DCLK2: variants seen among roughly 807,000 people sequenced by gnomAD.
DCLK2 encodes the protein doublecortin like kinase 2, also known as serine/threonine-protein kinase DCLK2.
A neutral mutation model predicts 78.4 loss-of-function variants in DCLK2; 31 were observed. The observed-to-expected ratio is 0.40, with a 90% confidence interval of 0.30 to 0.53. The LOEUF (loss-of-function observed/expected upper bound fraction) is 0.53. Ranked by LOEUF, DCLK2 falls within the 20% of genes least tolerant of loss-of-function variation. The probability of loss-of-function intolerance (pLI) is 0.61; values close to 1 mark genes in which losing one functional copy is unlikely to be tolerated. For missense variants in DCLK2, 872 were observed against 973.7 expected (o/e 0.90, Z 1.39); for synonymous variants, 407 against 374.9 (o/e 1.09, Z -0.99).
chr4:150,139,810 G>A (rs556487303), intron 2 of DCLK2, among the ~76,000 whole-genome samples: 4 of 152,188 alleles, frequency 2.6e-5, no homozygotes, highest in Non-Finnish European at 5.9e-5. Flanking sequence ...TTTGAGTCAA[G>A]TGTACATTCC....
chr4:150,156,395 T>C (rs1288428323), intron 2 of DCLK2, among the ~76,000 whole-genome samples: 1 of 151,914 alleles, frequency 6.6e-6, no homozygotes, highest in East Asian at 1.9e-4. Flanking sequence ...GCCTATAATC[T>C]TAGCACTTTT....
chr4:150,231,239 A>C (rs1054424107), intron 8 of DCLK2, among the ~76,000 whole-genome samples: 5 of 152,220 alleles, frequency 3.3e-5, no homozygotes, highest in African/African-American at 1.2e-4. Context: ...AGCTACTAAC[A>C]AACAGTGACT....
chr4:150,181,627 T>G (rs1395699841), intron 2 of DCLK2, among the ~76,000 whole-genome samples: 1 of 152,028 alleles, frequency 6.6e-6, no homozygotes, highest in African/African-American at 2.4e-5. Flanking sequence ...GTTTTTTTAT[T>G]TTTTAGGAAG....
chr4:150,126,196 C>T (rs576437236), intron 2 of DCLK2, among the ~76,000 whole-genome samples: 23 of 103,466 alleles, frequency 2.2e-4, no homozygotes, highest in Non-Finnish European at 4.8e-4. Context: ...GGCTAAGATA[C>T]GACAGAAAAT....
chr4:150,185,781 A>G (rs1298664907), intron 2 of DCLK2, among the ~76,000 whole-genome samples: 2 of 152,188 alleles, frequency 1.3e-5, no homozygotes, highest in East Asian at 1.9e-4. Flanking sequence ...GTATCTTTTA[A>G]TAGATACCAA....
rs149449246 is a variant in DCLK2 at position 150,240,444 on chromosome 4, C to T, written c.1746C>T (p.Tyr582=). 7,713 of 1,613,760 alleles carry T rather than the reference C, an allele frequency of 4.8e-3. 31 individuals are homozygous for T. Among genetic ancestry groups the T allele is most frequent in the Non-Finnish European group, 6.2e-3 (7,305 of 1,179,810 alleles). Reference sequence around the variant, plus strand: ...TTTGGGCAGCTGGTGTGATCACATACATACTTCTCTGTGGATTCCCACCAT... The same window carrying T: ...TTTGGGCAGCTGGTGTGATCACATATATACTTCTCTGTGGATTCCCACCAT... ...VDIWAAGVIT[Y]ILLCGFPPFR... is the part of the protein sequence containing the mutation. Residue 582 remains tyrosine, a synonymous_variant, in exon 12 of 16, where the codon TAC becomes TAT. Transcript: ENST00000296550.
At chr4:150,101,348 T>A (rs2150152464) in intron 1 of DCLK2, among the ~76,000 whole-genome samples, 1 of 152,320 alleles carries the variant, frequency 6.6e-6, no homozygotes, top group East Asian at 1.9e-4. Flanking sequence ...CAATTCTCCA[T>A]TAATCAGGAT....
chr4:150,185,088 A>G (rs1304919787), intron 2 of DCLK2, among the ~76,000 whole-genome samples: 1 of 152,194 alleles, frequency 6.6e-6, no homozygotes, highest in Non-Finnish European at 1.5e-5. Flanking sequence ...AGACTGGGTG[A>G]TTCATAAAGG....
In DCLK2 at chr4:150,138,191, C is replaced by T. The variant is rs191272398; in HGVS notation, c.756+35379C>T. ...TAAATAGGAATAGTTTTGCTAAGAACATAGAAAGTAAGCTCTTGGGCTTTG... is the reference window on the plus strand; with the variant it reads ...TAAATAGGAATAGTTTTGCTAAGAATATAGAAAGTAAGCTCTTGGGCTTTG... On this transcript the variant is annotated intron_variant, in intron 2 of 15. Coordinates refer to ENST00000296550, the MANE Select transcript of DCLK2 (RefSeq NM_001040260.4). Among the ~76,000 whole-genome samples, 16 of 152,312 alleles carry T rather than the reference C, an allele frequency of 1.1e-4. No individual in the cohort carries two copies. In the East Asian group the frequency reaches 3.1e-3, roughly 29 times the overall value.
intron 2 of DCLK2, among the ~76,000 whole-genome samples, chr4:150,144,436 C>CAT (rs1734315606): frequency 1.3e-5 from 2 of 152,058 alleles, no homozygotes; most frequent in Non-Finnish European, 2.9e-5. Context: ...TCCATTGATC[C>CAT]GTGTGCATAT....
At chr4:150,143,928 A>T (rs923420398) in intron 2 of DCLK2, among the ~76,000 whole-genome samples, 27 of 151,396 alleles carry the variant, frequency 1.8e-4, no homozygotes, top group African/African-American at 5.8e-4. Context: ...TTCCTTATAG[A>T]TTCTGGATAT....
chr4:150,251,865 C>A (rs1352998194), intron 15 of DCLK2, among the ~76,000 whole-genome samples: 1 of 151,326 alleles, frequency 6.6e-6, no homozygotes, highest in African/African-American at 2.4e-5. Flanking sequence ...CCCCCGGCTG[C>A]GTTTATGTGG....
intron 12 of DCLK2, among the ~76,000 whole-genome samples, chr4:150,242,734 C>T (rs72951564): frequency 0.019 from 2,822 of 152,292 alleles, 76 homozygotes; most frequent in African/African-American, 0.06. Context: ...CGAGCACTTC[C>T]TCAGCCTCTG....
chr4:150,112,682 G>T (rs540283695), intron 2 of DCLK2, among the ~76,000 whole-genome samples: 3 of 151,808 alleles, frequency 2.0e-5, no homozygotes, highest in Non-Finnish European at 4.4e-5. Context: ...TTTCTGCATC[G>T]ATTGAGATGC....
intron 2 of DCLK2, among the ~76,000 whole-genome samples, chr4:150,176,105 G>T (rs563315263): frequency 2.3e-4 from 35 of 152,316 alleles, no homozygotes; most frequent in African/African-American, 8.4e-4. Flanking sequence ...TTGCTTCTGT[G>T]CTGTCATGCC....
At chr4:150,161,205 C>T (rs981906292) in intron 2 of DCLK2, among the ~76,000 whole-genome samples, 2 of 152,156 alleles carry the variant, frequency 1.3e-5, no homozygotes, top group African/African-American at 4.8e-5. Flanking sequence ...TGATGTAAAT[C>T]AGAGTAGAAT....
chr4:150,134,237 C>A (rs1014904248), intron 2 of DCLK2, among the ~76,000 whole-genome samples: 2 of 151,882 alleles, frequency 1.3e-5, no homozygotes, highest in Non-Finnish European at 2.9e-5. Flanking sequence ...CCCGCCACTA[C>A]GCCCAGCTAA....
At position 150,239,784 on chromosome 4, in the gene DCLK2, G is replaced by A; in HGVS notation, c.1609G>A (p.Asp537Asn). ...PDGTKSLKLG[D>N]FGLATVVEGP... is the part of the protein sequence containing the mutation. Reference sequence around the variant, plus strand: ...TGGAACCAAGTCTTTGAAACTGGGAGACTTTGGGCTTGCGACTGTGGTAGA... The same window carrying A: ...TGGAACCAAGTCTTTGAAACTGGGAAACTTTGGGCTTGCGACTGTGGTAGA... Residue 537 changes from aspartate (D) to asparagine (N), a missense_variant, in exon 11 of 16, where the codon GAC becomes AAC. Coordinates refer to ENST00000296550, the MANE Select transcript of DCLK2 (RefSeq NM_001040260.4). The A allele has an allele frequency of 1.2e-6, 2 of 1,614,200 alleles. No individual in the cohort carries two copies. Among genetic ancestry groups the A allele is most frequent in the Non-Finnish European group, 1.7e-6 (2 of 1,180,026 alleles).
intron 2 of DCLK2, among the ~76,000 whole-genome samples, chr4:150,149,095 A>C (rs1163191382): frequency 1.3e-5 from 2 of 151,030 alleles, no homozygotes; most frequent in Non-Finnish European, 2.9e-5. Flanking sequence ...AAGAAAAGAA[A>C]AGAAAGAAAG....
Sources: allele counts gnomAD v4.1 joint callset (sites outside exome capture counted in the v4.1 genomes callset), GRCh38; gene constraint gnomAD v4.1.1; transcripts MANE v1.5; gene names NCBI Gene and HGNC (gene_info 2026-07-23, HGNC 2026-07-21).